The following SPAG16 variants were observed in gnomAD, a reference collection of about 807,000 sequenced individuals.
SPAG16 encodes the protein sperm associated antigen 16.
A neutral mutation model predicts 80.4 loss-of-function variants in SPAG16; 86 were observed. That is an observed-to-expected ratio of 1.07 (90% CI 0.90 to 1.28). The LOEUF is 1.28. Ranked by LOEUF, SPAG16 falls within the 50% of genes most tolerant of loss-of-function variation. The probability of loss-of-function intolerance (pLI) is 0.00; values close to 1 mark genes in which losing one functional copy is unlikely to be tolerated. For missense variants in SPAG16, 870 were observed against 765.3 expected, an observed-to-expected ratio of 1.14 and a Z score of -1.61; for synonymous variants, 294 against 265.9, an observed-to-expected ratio of 1.11 and a Z score of -1.03.
chr2:213,550,989 T>TAAATTACATA (rs2076762653), intron 10 of SPAG16, among the ~76,000 whole-genome samples: 1 of 152,188 alleles, frequency 6.6e-6, no homozygotes, highest in South Asian at 2.1e-4. Context: ...TGTATTACTA[T>TAAATTACATA]AATTGAGAGA....
chr2:214,393,648 CTA>C (rs1701208634), intron 15 of SPAG16, among the ~76,000 whole-genome samples: 1 of 151,874 alleles, frequency 6.6e-6, no homozygotes, highest in African/African-American at 2.4e-5. Context: ...AAACATGATC[CTA>C]TATCTCTTTT....
intron 9 of SPAG16, among the ~76,000 whole-genome samples, chr2:213,415,015 T>TCA (rs2069172473): frequency 6.6e-6 from 1 of 152,128 alleles, no homozygotes. Flanking sequence ...AGAAGAACAA[T>TCA]ATGGGAAAAC....
At chr2:214,385,763 G>A (rs1273674756) in intron 15 of SPAG16, among the ~76,000 whole-genome samples, 1 of 152,126 alleles carries the variant, frequency 6.6e-6, no homozygotes, top group East Asian at 1.9e-4. Flanking sequence ...AGAATCACTT[G>A]AACCTGAGAG....
chr2:213,970,214 AT>A (rs1359284498), intron 12 of SPAG16, among the ~76,000 whole-genome samples: 1 of 152,080 alleles, frequency 6.6e-6, no homozygotes, highest in Non-Finnish European at 1.5e-5. Context: ...CAGCCTGTAA[AT>A]TTTGGGGGAA....
At chr2:213,492,544 T>C (rs1403570880) in intron 10 of SPAG16, among the ~76,000 whole-genome samples, 14 of 151,768 alleles carry the variant, frequency 9.2e-5, no homozygotes, top group Non-Finnish European at 1.3e-4. Flanking sequence ...AGCGAGACTC[T>C]GTCTCAAAAA....
At chr2:214,359,014 A>T (rs945046493) in intron 15 of SPAG16, among the ~76,000 whole-genome samples, 1 of 151,886 alleles carries the variant, frequency 6.6e-6, no homozygotes, top group African/African-American at 2.4e-5. Flanking sequence ...AAGAGGAAAG[A>T]AAGGATCAGT....
intron 10 of SPAG16, among the ~76,000 whole-genome samples, chr2:213,528,048 A>C (rs1030382727): frequency 2.6e-4 from 40 of 152,170 alleles, no homozygotes; most frequent in African/African-American, 9.4e-4. Context: ...ATATCAAACA[A>C]GGTGGATATT....
chr2:214,159,277 T>G (rs2056343584), intron 15 of SPAG16, among the ~76,000 whole-genome samples: 1 of 151,982 alleles, frequency 6.6e-6, no homozygotes, highest in South Asian at 2.1e-4. Flanking sequence ...GTTATTACAT[T>G]TAAGAGGAAT....
At chr2:213,748,016 A>T (rs2067909604) in intron 10 of SPAG16, among the ~76,000 whole-genome samples, 1 of 152,236 alleles carries the variant, frequency 6.6e-6, no homozygotes, top group Admixed American at 6.5e-5. Flanking sequence ...ATTATTGTTA[A>T]TAATACCCTT....
At chr2:213,802,436 T>C (rs1559481079) in intron 10 of SPAG16, among the ~76,000 whole-genome samples, 1 of 149,064 alleles carries the variant, frequency 6.7e-6, no homozygotes, top group Non-Finnish European at 1.5e-5. Flanking sequence ...TATCTATCTA[T>C]CTATCTATCT....
At chr2:214,319,118 G>C (rs1475237048) in intron 15 of SPAG16, among the ~76,000 whole-genome samples, 1 of 151,532 alleles carries the variant, frequency 6.6e-6, no homozygotes, top group African/African-American at 2.4e-5. Flanking sequence ...ATGCTTCAAA[G>C]AAGTGGAGAA....
At chr2:213,946,351 G>A (rs2079467921) in intron 12 of SPAG16, among the ~76,000 whole-genome samples, 1 of 152,084 alleles carries the variant, frequency 6.6e-6, no homozygotes, top group Non-Finnish European at 1.5e-5. Flanking sequence ...CTGACCTCGA[G>A]ATCTACCTGC....
rs141098796 is a variant in SPAG16, at chr2:213,312,572, A to T, written c.398+2395A>T. On this transcript the variant is annotated intron_variant, in intron 4 of 15. Coordinates refer to ENST00000331683, the MANE Select transcript of SPAG16 (RefSeq NM_024532.5). ...AGCCAATATTTTGAAAACAGAGTTT[A>T]AATTTTTTTTCTTTCTTCACCTTTT... is the stretch of plus-strand genomic sequence containing the variant. 4.4e-3 allele frequency among the ~76,000 whole-genome samples: 664 copies of T among 151,774 alleles called. 4 individuals carry two copies. The highest frequency in any genetic ancestry group is 0.015 in the African/African-American group (611 of 41,494).
At chr2:214,107,263 G>A (rs960255249) in intron 13 of SPAG16, among the ~76,000 whole-genome samples, 3 of 152,096 alleles carry the variant, frequency 2.0e-5, no homozygotes, top group Non-Finnish European at 2.9e-5. Flanking sequence ...GTGAGAATAA[G>A]GTTCTTTGTC....
intron 15 of SPAG16, among the ~76,000 whole-genome samples, chr2:214,163,195 T>G (rs1430308259): frequency 6.6e-6 from 1 of 151,386 alleles, no homozygotes; most frequent in Non-Finnish European, 1.5e-5. Context: ...ATTCTTGATC[T>G]TTTTTCCCTT....
chr2:214,062,529 G>A (rs537511136), intron 13 of SPAG16, among the ~76,000 whole-genome samples: 1 of 149,954 alleles, frequency 6.7e-6, no homozygotes, highest in African/African-American at 2.4e-5. Flanking sequence ...CATTTCAATT[G>A]ATGGCAACAC....
intron 5 of SPAG16, among the ~76,000 whole-genome samples, chr2:213,328,693 T>C (rs888402423): frequency 2.0e-5 from 3 of 152,182 alleles, no homozygotes; most frequent in East Asian, 1.9e-4. Flanking sequence ...CTCTGTGTTA[T>C]GGCCAAACTC....
At chr2:214,225,735 AT>A (rs1250742377) in intron 15 of SPAG16, among the ~76,000 whole-genome samples, 1 of 152,140 alleles carries the variant, frequency 6.6e-6, no homozygotes, top group Middle Eastern at 3.2e-3. Flanking sequence ...ACATAAATAC[AT>A]TTACTTTACT....
chr2:213,828,178 C>A (rs2073415534), intron 10 of SPAG16, among the ~76,000 whole-genome samples: 1 of 152,072 alleles, frequency 6.6e-6, no homozygotes, highest in Admixed American at 6.6e-5. Context: ...AGCCTATTTT[C>A]TAGGTCTTGT....
Sources: gnomAD v4.1 joint callset for allele counts (sites outside exome capture counted in the v4.1 genomes callset) on GRCh38, gnomAD v4.1.1 for gene constraint, MANE v1.5 for transcripts, NCBI Gene and HGNC (gene_info 2026-07-23, HGNC 2026-07-21) for gene names.